Variants in ZFAND3 observed in about 807,000 individuals in gnomAD.
ZFAND3 encodes zinc finger AN1-type containing 3.
In ZFAND3, 10 loss-of-function variants were observed where a neutral mutation model predicts 29.6. The observed-to-expected ratio is 0.34, with a 90% CI of 0.21 to 0.57. ZFAND3 has a LOEUF of 0.57. ZFAND3 is among the 20% of genes least tolerant of loss of function. The pLI, the probability that ZFAND3 is intolerant of heterozygous loss-of-function variation, is 0.86. For missense variants in ZFAND3, 230 were observed against 304.5 expected (o/e 0.76, Z 1.82); for synonymous variants, 128 against 112.6 (o/e 1.14, Z -0.87).
intron 1 of ZFAND3, chr6:37,832,851 G>C (rs1763889688): frequency 6.6e-6 from 1 of 152,004 alleles, no homozygotes; most frequent in Non-Finnish European, 1.5e-5. Flanking sequence ...AAATTTTAAA[G>C]TTTTTCTTTT....
chr6:38,104,714 C>T (rs1562000961), intron 4 of ZFAND3, among the ~76,000 whole-genome samples: 1 of 152,150 alleles, frequency 6.6e-6, no homozygotes, highest in Non-Finnish European at 1.5e-5. Context: ...TAGATTTATT[C>T]AGCAGAGATA....
chr6:37,829,895 G>A (rs919714134), intron 1 of ZFAND3, among the ~76,000 whole-genome samples: 1 of 152,224 alleles, frequency 6.6e-6, no homozygotes, highest in Non-Finnish European at 1.5e-5. Flanking sequence ...GTGAAAATGT[G>A]TGGAGTACTG....
intron 2 of ZFAND3, among the ~76,000 whole-genome samples, chr6:38,005,056 ATCT>A (rs1428587105): frequency 6.6e-6 from 1 of 152,202 alleles, no homozygotes. Context: ...GAAGAGATAG[ATCT>A]TCTTCAGTGA....
chr6:37,995,499 T>C (rs1350961132), intron 2 of ZFAND3, among the ~76,000 whole-genome samples: 1 of 152,196 alleles, frequency 6.6e-6, no homozygotes, highest in East Asian at 1.9e-4. Context: ...GAAATTGCAT[T>C]ATTAACATGC....
chr6:37,944,148 GTTA>G (rs1434150193), intron 2 of ZFAND3, among the ~76,000 whole-genome samples: 1 of 152,152 alleles, frequency 6.6e-6, no homozygotes, highest in African/African-American at 2.4e-5. Context: ...CATGCATACA[GTTA>G]TTTAGATGTG....
intron 2 of ZFAND3, among the ~76,000 whole-genome samples, chr6:38,042,104 G>A (rs977025957): frequency 9.2e-5 from 14 of 151,412 alleles, no homozygotes; most frequent in African/African-American, 3.4e-4. Context: ...CAAAGTGCTA[G>A]GATTACAGGT....
intron 1 of ZFAND3, among the ~76,000 whole-genome samples, chr6:37,891,416 T>TCCCCCCCCCCCCCCCCCC (rs113061455): frequency 2.6e-5 from 3 of 117,136 alleles, no homozygotes; most frequent in Non-Finnish European, 5.2e-5. Flanking sequence ...GAGATTTCAG[T>TCCCCCCCCCCCCCCCCCC]CCCCCCCCCC....
intron 1 of ZFAND3, among the ~76,000 whole-genome samples, chr6:37,870,592 C>T (rs1764676994): frequency 8.4e-6 from 1 of 119,472 alleles, no homozygotes. Flanking sequence ...GAGCAAGGCT[C>T]TGTCTCAGAA....
Position 38,024,382 on chromosome 6 carries a change from G to A in ZFAND3, c.113-37211G>A, listed in dbSNP as rs1763406125. On this transcript the variant is annotated intron_variant, in intron 2 of 5. Coordinates refer to ENST00000287218, the MANE Select transcript of ZFAND3 (RefSeq NM_021943.3). ...AGCTACTTGGGAGGCCGAGGCAGGA[G>A]AATGGCATGAACCCGGGAGGTGGAG... Among the ~76,000 whole-genome samples, 3 of 151,070 alleles carry A rather than the reference G, an allele frequency of 2.0e-5. No homozygotes were observed. In the Admixed American group the frequency reaches 2.0e-4, roughly 10 times the overall value.
chr6:37,895,322 C>T (rs1403405449), intron 1 of ZFAND3, among the ~76,000 whole-genome samples: 2 of 151,382 alleles, frequency 1.3e-5, no homozygotes, highest in Non-Finnish European at 3.0e-5. Flanking sequence ...TGTAAGAGTT[C>T]TATTACGTTC....
chr6:37,958,973 C>T (rs535626734), intron 2 of ZFAND3, among the ~76,000 whole-genome samples: 1 of 152,224 alleles, frequency 6.6e-6, no homozygotes, highest in African/African-American at 2.4e-5. Context: ...AAATTCCTGC[C>T]ATAGATTTTA....
chr6:37,926,863 C>T (rs1761494660), intron 1 of ZFAND3, among the ~76,000 whole-genome samples: 1 of 152,178 alleles, frequency 6.6e-6, no homozygotes, highest in Non-Finnish European at 1.5e-5. Flanking sequence ...CTGTGATTAG[C>T]TTCAAGTTTC....
intron 1 of ZFAND3, among the ~76,000 whole-genome samples, chr6:37,840,127 C>T (rs1304747283): frequency 6.6e-6 from 1 of 150,802 alleles, no homozygotes; most frequent in Non-Finnish European, 1.5e-5. Flanking sequence ...GATGGAGTTT[C>T]GCTCTTGTTG....
At chr6:37,981,892 T>C (rs560001993) in intron 2 of ZFAND3, among the ~76,000 whole-genome samples, 1 of 152,294 alleles carries the variant, frequency 6.6e-6, no homozygotes, top group South Asian at 2.1e-4. Context: ...GGAGACATGA[T>C]ACATCAGTCA....
Position 38,061,595 on chromosome 6 carries a change from T to C in ZFAND3, c.115T>C (p.Phe39Leu). ...GCTCGTTTTCTATTTTTCTTCAGAT[T>C]TTCAAAAGAAACAGCCAGACGATGA... Reference protein sequence around the residue: ...MNLCSKCFADFQKKQPDDDSA... With the variant: ...MNLCSKCFADLQKKQPDDDSA... Residue 39 changes from phenylalanine to leucine, a missense_variant and splice_region_variant, in exon 3 of 6, where the codon TTT (phenylalanine) becomes CTT (leucine). By Grantham distance (22) the Phe-to-Leu change is conservative (BLOSUM62 0). Transcript: ENST00000287218. The C allele has an allele frequency of 6.2e-7, 1 of 1,614,068 alleles. No homozygotes were observed. Among genetic ancestry groups the C allele is most frequent in the South Asian group, 1.1e-5 (1 of 91,084 alleles).
chr6:38,078,300 C>A (rs1320725379), intron 3 of ZFAND3, among the ~76,000 whole-genome samples: 2 of 152,190 alleles, frequency 1.3e-5, no homozygotes, highest in African/African-American at 2.4e-5. Flanking sequence ...ATTCACTCTT[C>A]TCTAGTCACA....
At chr6:37,931,593 A>G (rs1761597329) in intron 2 of ZFAND3, among the ~76,000 whole-genome samples, 1 of 151,764 alleles carries the variant, frequency 6.6e-6, no homozygotes, top group East Asian at 1.9e-4. Context: ...AAGAAATGTT[A>G]GTGTGTGTAA....
At chr6:37,947,709 CTT>C (rs1761927132) in intron 2 of ZFAND3, among the ~76,000 whole-genome samples, 1 of 139,278 alleles carries the variant, frequency 7.2e-6, no homozygotes, top group Non-Finnish European at 1.6e-5. Flanking sequence ...ATATTGCTGA[CTT>C]TTTGATTTAT....
chr6:37,949,611 A>T (rs1581785624), intron 2 of ZFAND3, among the ~76,000 whole-genome samples: 1 of 152,302 alleles, frequency 6.6e-6, no homozygotes, highest in East Asian at 1.9e-4. Context: ...TCAAGTTGAG[A>T]TTCCCACAAC....
Sources: gnomAD v4.1 joint callset for allele counts (sites outside exome capture counted in the v4.1 genomes callset) on GRCh38, gnomAD v4.1.1 for gene constraint, MANE v1.5 for transcripts, NCBI Gene and HGNC (gene_info 2026-07-23, HGNC 2026-07-21) for gene names.